The following NIBAN3 variants were observed in gnomAD, a reference collection of about 807,000 sequenced individuals.
The protein encoded by NIBAN3 is protein Niban 3.
In NIBAN3, 66 loss-of-function variants were observed where a neutral mutation model predicts 76.4. That is an observed-to-expected ratio of 0.86 (90% CI 0.71 to 1.06). The LOEUF is 1.06. Among genes scored for constraint, NIBAN3 ranks in the 50% least tolerant of loss-of-function variants. NIBAN3 has a pLI of 0.00. For synonymous variants in NIBAN3, 360 were observed against 355.2 expected, an observed-to-expected ratio of 1.01 and a Z score of -0.15; for missense variants, 808 against 810.7, an observed-to-expected ratio of 1.00 and a Z score of 0.04.
chr19:17,537,036 C>G (rs1030097386), intron 4 of NIBAN3, among the ~76,000 whole-genome samples: 1 of 152,144 alleles, frequency 6.6e-6, no homozygotes. Context: ...CTGACTGACT[C>G]CAAAACCCCA....
chr19:17,540,422 T>C lies in NIBAN3; in HGVS notation c.1010T>C (p.Leu337Pro). ...ATCAGGGGACCGCTCGAGTCGTGCC[T>C]GCGCCGGGAGGTGGACCCGCAGCTG... ...TDIRGPLESC[L>P]RREVDPQLPR... The change falls in exon 9 of 15, where the codon CTG becomes CCG. Residue 337 changes from leucine (L) to proline (P), a missense_variant. Physicochemically the swap from Leu to Pro is moderately conservative, Grantham distance 98 (BLOSUM62 -3). Coordinates refer to ENST00000599164, the MANE Select transcript of NIBAN3 (RefSeq NM_001321827.2). 6.6e-7 allele frequency: 1 copy of C among 1,524,354 alleles called. No individual in the cohort carries two copies. Among genetic ancestry groups the C allele is most frequent in the Non-Finnish European group, 8.8e-7 (1 of 1,133,752 alleles). The allele number at this position is 1,524,354 out of a possible 1,614,324, so 94.4% of individuals were successfully genotyped here.
chr19:17,527,019 CA>C (rs2075616961), upstream of NIBAN3, among the ~76,000 whole-genome samples: 1 of 152,116 alleles, frequency 6.6e-6, no homozygotes, highest in Admixed American at 6.5e-5. Flanking sequence ...TTCCAGCCCC[CA>C]TACACAACGA....
chr19:17,530,901 G>T lies in NIBAN3; in HGVS notation c.186+16G>T. On this transcript the variant is annotated intron_variant, in intron 2 of 14. Transcript: ENST00000599164. ...ACGCAGCAAAGTGGGTGTTGTGGGGGCAGAGGACGTTTGAGTGTTAGGGGA... is the reference window on the plus strand; with the variant it reads ...ACGCAGCAAAGTGGGTGTTGTGGGGTCAGAGGACGTTTGAGTGTTAGGGGA... 6.2e-7 allele frequency: 1 copy of T among 1,610,638 alleles called. No individual in the cohort carries two copies. The highest frequency in any genetic ancestry group is 8.5e-7 in the Non-Finnish European group (1 of 1,178,746).
intron 4 of NIBAN3, 28 bp downstream of exon 4, chr19:17,533,729 G>A (rs1389954649): frequency 6.5e-7 from 1 of 1,533,826 alleles, no homozygotes; most frequent in Admixed American, 1.7e-5. Flanking sequence ...CCCAGGAACA[G>A]GTTTCTCCAC....
intron 4 of NIBAN3, among the ~76,000 whole-genome samples, chr19:17,536,805 G>A (rs1204430768): frequency 6.6e-6 from 1 of 152,020 alleles, no homozygotes; most frequent in Non-Finnish European, 1.5e-5. Flanking sequence ...GAAAATCACA[G>A]CTCATAGAGC....
At position 17,546,704 on chromosome 19, in the gene NIBAN3, G is replaced by A. The variant is rs1172449647; in HGVS notation, c.1573G>A (p.Gly525Arg). 6.3e-7 allele frequency: 1 copy of A among 1,591,468 alleles called. No homozygotes were observed. Among genetic ancestry groups the A allele is most frequent in the South Asian group, 1.1e-5 (1 of 87,110 alleles). Reference sequence around the variant, plus strand: ...GTTCCAGGAGCTGCCTGAGTTCGAGGGGGATGTCCTTGCCGTGGGCAGCCA... The same window carrying A: ...GTTCCAGGAGCTGCCTGAGTTCGAGAGGGATGTCCTTGCCGTGGGCAGCCA... ...GCKKELPEFE[G>R]DVLAVGSQAL... Residue 525 changes from glycine (G) to arginine (R), a missense_variant, in exon 13 of 15, where the codon GGG becomes AGG. Transcript: ENST00000599164.
In NIBAN3 at chr19:17,540,485, CCTCG is replaced by C. The variant is rs2075927308; in HGVS notation, c.1078_1081del (p.Leu360ArgfsTer43). 1.3e-6 allele frequency: 2 copies of C among 1,599,814 alleles called. No homozygotes were observed. Among genetic ancestry groups the C allele is most frequent in the African/African-American group, 2.7e-5 (2 of 73,918 alleles). The stretch of plus-strand genomic sequence containing the variant: ...CAGACCCTGCTGCGCACCGTGGAAG[CCTCG>C]CTCGAGGCGGTGCGGACCCTCCTGG... On this transcript the variant is annotated frameshift_variant, in exon 9 of 15. Transcript: ENST00000599164. LOFTEE classifies it high-confidence loss of function.
At position 17,527,728 on chromosome 19, in the gene NIBAN3, G is replaced by GT. The variant is rs991449044; in HGVS notation, c.55+344dup. Among the ~76,000 whole-genome samples the GT allele has an allele frequency of 2.0e-3, 289 of 146,028 alleles. 2 individuals are homozygous for GT. Among genetic ancestry groups the GT allele is most frequent in the East Asian group, 9.2e-3 (46 of 5,024 alleles). Reference sequence around the variant, plus strand: ...TGCCCAACTAATTATTTCATTGGTTGTTTTTTTTTTTAATAGAGACAGGGT... The same window carrying GT: ...TGCCCAACTAATTATTTCATTGGTTGTTTTTTTTTTTTAATAGAGACAGGGT... On this transcript the variant is annotated intron_variant, in intron 1 of 14. Coordinates refer to ENST00000599164, the MANE Select transcript of NIBAN3 (RefSeq NM_001321827.2).
Position 17,533,988 on chromosome 19 carries a change from G to C in NIBAN3, c.427+287G>C, listed in dbSNP as rs542958092. On this transcript the variant is annotated intron_variant, in intron 4 of 14. Transcript: ENST00000599164. ...AACAAACAAACACCCACTCTTGCAAGGGTGAGGGGGAGAGTTAGGTCATGG... is the reference window on the plus strand; with the variant it reads ...AACAAACAAACACCCACTCTTGCAACGGTGAGGGGGAGAGTTAGGTCATGG... 2.0e-5 allele frequency among the ~76,000 whole-genome samples: 3 copies of C among 152,318 alleles called. No homozygotes were observed. In the East Asian group the frequency reaches 5.8e-4, roughly 29 times the overall value.
rs184472022 is a variant in NIBAN3 at position 17,533,668 on chromosome 19, C to T, written c.394C>T (p.Arg132Cys). 1.7e-5 allele frequency: 27 copies of T among 1,614,048 alleles called. No homozygotes were observed. In the East Asian group the frequency reaches 2.2e-4, roughly 13 times the overall value. ...CCTGACTTCCCAGCGAGAATATCTC[C>T]GCCTTTTGGATGCTCTCTGCCCTGA... The part of the protein sequence containing the change: ...TLLTSQREYL[R>C]LLDALCPESL... The change falls in exon 4 of 15, where the codon CGC becomes TGC. Residue 132 changes from arginine to cysteine, a missense_variant. By Grantham distance (180) the Arg-to-Cys change is radical. Transcript: ENST00000599164.
chr19:17,546,709 T>G lies in NIBAN3; in HGVS notation c.1578T>G (p.Asp526Glu). Reference protein sequence around the residue: ...CKKELPEFEGDVLAVGSQALT... With the variant: ...CKKELPEFEGEVLAVGSQALT... ...AGGAGCTGCCTGAGTTCGAGGGGGA[T>G]GTCCTTGCCGTGGGCAGCCAGGCTC... The change falls in exon 13 of 15, where the codon GAT becomes GAG. Residue 526 changes from aspartate to glutamate, a missense_variant. By Grantham distance (45) the Asp-to-Glu change is conservative. Coordinates refer to ENST00000599164, the MANE Select transcript of NIBAN3 (RefSeq NM_001321827.2). 6.3e-7 allele frequency: 1 copy of G among 1,594,812 alleles called. No individual in the cohort carries two copies. Among genetic ancestry groups the G allele is most frequent in the Non-Finnish European group, 8.5e-7 (1 of 1,171,794 alleles).
chr19:17,528,311 C>T (rs1407102523), intron 1 of NIBAN3, among the ~76,000 whole-genome samples: 6 of 151,438 alleles, frequency 4.0e-5, no homozygotes, highest in South Asian at 2.1e-4. Flanking sequence ...AGGTTGGTCT[C>T]GAACTCCTGA....
Position 17,546,803 on chromosome 19 carries a change from T to C in NIBAN3, c.1666+6T>C. The C allele has an allele frequency of 1.3e-6, 2 of 1,585,924 alleles. No homozygotes were observed. The highest frequency in any genetic ancestry group is 1.7e-6 in the Non-Finnish European group (2 of 1,167,196). On this transcript the variant is annotated splice_donor_region_variant and intron_variant, in intron 13 of 14. Coordinates refer to ENST00000599164, the MANE Select transcript of NIBAN3 (RefSeq NM_001321827.2). ...GCTGCAGAGGATTGACCAAGGTGAGTCCCGCCCTGCCATGGCTCAGAGGAG... is the reference window on the plus strand; with the variant it reads ...GCTGCAGAGGATTGACCAAGGTGAGCCCCGCCCTGCCATGGCTCAGAGGAG...
Position 17,542,443 on chromosome 19 carries a change from G to A in NIBAN3, c.1329+149G>A, listed in dbSNP as rs1268136765. 2.1e-5 allele frequency: 17 copies of A among 827,212 alleles called. No individual in the cohort carries two copies. The highest frequency in any genetic ancestry group is 3.1e-5 in the Non-Finnish European group (17 of 541,534). The allele number at this position is 827,212 out of a possible 1,614,324, so 51.2% of individuals were successfully genotyped here. A position where few individuals can be genotyped will look rare whatever the true frequency, so the allele number is the denominator to read the frequency against. On this transcript the variant is annotated intron_variant, in intron 10 of 14. Transcript: ENST00000599164. This position sits in a 1 kb window ranked among gnomAD's most constrained non-coding sequence, Gnocchi z 4.8. Reference sequence around the variant, plus strand: ...GGGGACATGAGCCCGTGACCAGGCAGCAGCCACATGTGGTGGACAGAGCTG... The same window carrying A: ...GGGGACATGAGCCCGTGACCAGGCAACAGCCACATGTGGTGGACAGAGCTG...
intron 3 of NIBAN3, among the ~76,000 whole-genome samples, chr19:17,533,175 C>T (rs981859695): frequency 2.0e-5 from 3 of 151,976 alleles, no homozygotes; most frequent in African/African-American, 7.2e-5. Flanking sequence ...TTTGGGAGAC[C>T]AAGGCAAGTG....
chr19:17,527,845 C>T (rs1345966135), intron 1 of NIBAN3, among the ~76,000 whole-genome samples: 2 of 152,046 alleles, frequency 1.3e-5, no homozygotes, highest in Non-Finnish European at 2.9e-5. Flanking sequence ...GCGTGCACCA[C>T]CACACCTGGC....
chr19:17,530,699 G>T, intron 1 of NIBAN3, 56 bp from the exon 2 acceptor site: 1 of 1,531,766 alleles, frequency 6.5e-7, no homozygotes. Flanking sequence ...CCCTCCCCAA[G>T]CAGGTCTCCT....
At chr19:17,545,842 A>G (rs1297743005) in intron 12 of NIBAN3, 3 of 319,590 alleles carry the variant, frequency 9.4e-6, no homozygotes, top group East Asian at 8.4e-5. Context: ...GTCTCTGGAT[A>G]ACTGTGGGCA....
upstream of NIBAN3, among the ~76,000 whole-genome samples, chr19:17,524,814 C>A (rs1377543932): frequency 1.3e-5 from 2 of 152,226 alleles, no homozygotes; most frequent in Non-Finnish European, 2.9e-5. Flanking sequence ...CCCAAGGTGG[C>A]TGCTTGTGCT....
Sources: gnomAD v4.1 joint callset for allele counts (sites outside exome capture counted in the v4.1 genomes callset) on GRCh38, gnomAD v4.1.1 for gene constraint, Gnocchi (gnomAD v3.1) non-coding constraint, MANE v1.5 for transcripts, NCBI Gene and HGNC (gene_info 2026-07-23, HGNC 2026-07-21) for gene names.